ESRRG: variants seen among roughly 807,000 people sequenced by gnomAD.
ESRRG encodes estrogen-related receptor gamma.
Under a neutral mutation model 44.0 loss-of-function variants are expected in ESRRG, and 13 were observed. That is an observed-to-expected ratio of 0.30 (90% CI 0.19 to 0.47). ESRRG has a LOEUF of 0.47. Ranked by LOEUF, ESRRG falls within the 20% of genes least tolerant of loss-of-function variation. ESRRG has a pLI of 1.00. For missense variants in ESRRG, 395 were observed against 580.6 expected, an observed-to-expected ratio of 0.68 and a Z score of 3.29; for synonymous variants, 215 against 214.6, an observed-to-expected ratio of 1.00 and a Z score of -0.02.
At chr1:216,713,712 A>T (rs979291481) in intron 1 of ESRRG, among the ~76,000 whole-genome samples, 1 of 152,194 alleles carries the variant, frequency 6.6e-6, no homozygotes, top group Non-Finnish European at 1.5e-5. Context: ...CAAGGTAATA[A>T]ATCCCTCTAT....
At chr1:217,062,952 C>T (rs1039192393) in intron 1 of ESRRG, among the ~76,000 whole-genome samples, 1 of 152,166 alleles carries the variant, frequency 6.6e-6, no homozygotes, top group African/African-American at 2.4e-5. Context: ...TTCATCAGCT[C>T]TTAATCAAGA....
intron 2 of ESRRG, among the ~76,000 whole-genome samples, chr1:216,927,854 T>C (rs746439477): frequency 6.6e-6 from 1 of 152,188 alleles, no homozygotes; most frequent in Non-Finnish European, 1.5e-5. Flanking sequence ...CCAAGAGAAC[T>C]TAGAGCAGAC....
intron 2 of ESRRG, among the ~76,000 whole-genome samples, chr1:216,736,610 A>C (rs2089963741): frequency 6.6e-6 from 1 of 152,126 alleles, no homozygotes; most frequent in Non-Finnish European, 1.5e-5. Context: ...TGGTAGAAAG[A>C]ACAGTTGAGG....
intron 1 of ESRRG, among the ~76,000 whole-genome samples, chr1:217,076,013 T>C (rs1428968835): frequency 6.6e-6 from 1 of 152,202 alleles, no homozygotes; most frequent in Non-Finnish European, 1.5e-5. Context: ...CAATGATGCA[T>C]CTATTCAGAA....
chr1:217,121,164 C>T (rs959929575), intron 1 of ESRRG, among the ~76,000 whole-genome samples: 1 of 151,648 alleles, frequency 6.6e-6, no homozygotes, highest in Admixed American at 6.6e-5. Flanking sequence ...ATTTATCAGG[C>T]AGAAGGAACA....
intron 1 of ESRRG, among the ~76,000 whole-genome samples, chr1:217,032,873 G>T (rs1490434530): frequency 6.6e-6 from 1 of 152,122 alleles, no homozygotes; most frequent in Non-Finnish European, 1.5e-5. Context: ...TGCAATAATT[G>T]GTCCCCATTG....
chr1:216,838,089 C>T (rs1160175534), intron 2 of ESRRG, among the ~76,000 whole-genome samples: 2 of 152,142 alleles, frequency 1.3e-5, no homozygotes, highest in East Asian at 3.9e-4. Flanking sequence ...AGACTAAAGC[C>T]ACCATGACAG....
chr1:216,654,290 A>G (rs1479452085), intron 2 of ESRRG, among the ~76,000 whole-genome samples: 1 of 152,094 alleles, frequency 6.6e-6, no homozygotes, highest in Non-Finnish European at 1.5e-5. Flanking sequence ...TTAGGAAGCA[A>G]TGTTAAGAAC....
At chr1:216,666,372 T>C (rs1215446448) in intron 2 of ESRRG, among the ~76,000 whole-genome samples, 2 of 152,232 alleles carry the variant, frequency 1.3e-5, no homozygotes, top group Admixed American at 6.5e-5. Flanking sequence ...TGAACATATG[T>C]ACAAAAACAT....
chr1:216,671,792 G>C (rs5020194), intron 2 of ESRRG, among the ~76,000 whole-genome samples: 81,778 of 151,768 alleles, frequency 0.54, 24,411 homozygotes, highest in Middle Eastern at 0.71. Flanking sequence ...CTATAATGAG[G>C]AGTTAGAATG....
At chr1:216,542,846 T>A (rs1331374717) in intron 5 of ESRRG, among the ~76,000 whole-genome samples, 1 of 152,000 alleles carries the variant, frequency 6.6e-6, no homozygotes, top group African/African-American at 2.4e-5. Flanking sequence ...TAATCCCATT[T>A]TGCTGGGGAC....
At chr1:217,133,295 G>T (rs1042013734) in intron 1 of ESRRG, among the ~76,000 whole-genome samples, 1 of 152,264 alleles carries the variant, frequency 6.6e-6, no homozygotes, top group African/African-American at 2.4e-5. Context: ...TCTTGAAAGC[G>T]GAATGAATGA....
chr1:216,932,905 T>G (rs776709750), intron 2 of ESRRG, among the ~76,000 whole-genome samples: 17 of 151,792 alleles, frequency 1.1e-4, no homozygotes, highest in Non-Finnish European at 2.4e-4. Context: ...GACAATTTCT[T>G]ATAAAATTGA....
intron 3 of ESRRG, among the ~76,000 whole-genome samples, chr1:216,610,199 A>G (rs2060445123): frequency 6.8e-6 from 1 of 147,826 alleles, no homozygotes; most frequent in South Asian, 2.1e-4. Flanking sequence ...TAATTGTACA[A>G]AATTCAGTGC....
chr1:216,822,921 C>G (rs947272888), intron 2 of ESRRG, among the ~76,000 whole-genome samples: 8 of 152,162 alleles, frequency 5.3e-5, no homozygotes, highest in Admixed American at 1.3e-4. Context: ...AGACAAGGTT[C>G]CAAAAACAAT....
intron 3 of ESRRG, among the ~76,000 whole-genome samples, chr1:216,587,414 T>C (rs2149923060): frequency 6.6e-6 from 1 of 152,284 alleles, no homozygotes; most frequent in African/African-American, 2.4e-5. Flanking sequence ...CCGGGTTTCA[T>C]GGATTCACTG....
chr1:217,119,808 A>G (rs2092795589), intron 1 of ESRRG, among the ~76,000 whole-genome samples: 1 of 152,230 alleles, frequency 6.6e-6, no homozygotes, highest in Non-Finnish European at 1.5e-5. Flanking sequence ...GGGATTTAAA[A>G]CACTCTACAA....
At chr1:216,711,397 G>A (rs758287985) in intron 1 of ESRRG, among the ~76,000 whole-genome samples, 8 of 152,148 alleles carry the variant, frequency 5.3e-5, no homozygotes, top group Non-Finnish European at 1.0e-4. Context: ...ACTTCTCTGG[G>A]GGAAATACAA....
intron 2 of ESRRG, among the ~76,000 whole-genome samples, chr1:216,869,280 T>C (rs1013192698): frequency 6.6e-6 from 1 of 152,132 alleles, no homozygotes; most frequent in Non-Finnish European, 1.5e-5. Flanking sequence ...TTTAACTTTT[T>C]CCCCCTGTTG....
Sources: allele counts gnomAD v4.1 joint callset (sites outside exome capture counted in the v4.1 genomes callset), GRCh38; gene constraint gnomAD v4.1.1; transcripts MANE v1.5; gene names NCBI Gene and HGNC (gene_info 2026-07-23, HGNC 2026-07-21).